HAPSTR1: variants seen among roughly 807,000 people sequenced by gnomAD.
HAPSTR1 encodes HUWE1 associated protein modifying stress responses, also known as HUWE1-associated protein modifying stress responses 1.
chr16:9,091,987 G>T, the HAPSTR1 span: 5 of 1,357,866 alleles, frequency 3.7e-6, no homozygotes, highest in East Asian at 6.2e-5. Flanking sequence ...TCCCGCGGGG[G>T]CCCCGCCTGA....
the HAPSTR1 span, among the ~76,000 whole-genome samples, chr16:9,095,791 C>G: frequency 6.6e-6 from 1 of 152,036 alleles, no homozygotes; most frequent in Non-Finnish European, 1.5e-5. Flanking sequence ...GGACAGAATT[C>G]AATAAAATGG....
chr16:9,093,206 C>T, the HAPSTR1 span, among the ~76,000 whole-genome samples: 7 of 152,186 alleles, frequency 4.6e-5, no homozygotes, highest in African/African-American at 1.4e-4. Context: ...CAGATGGCAA[C>T]GCCTGGGGAC....
At chr16:9,099,154 A>G in the HAPSTR1 span, among the ~76,000 whole-genome samples, 4 of 151,424 alleles carry the variant, frequency 2.6e-5, 1 homozygote, top group Admixed American at 2.0e-4. Context: ...AAAAAGGGAA[A>G]TATGGGATAC....
At chr16:9,092,194 G>C in the HAPSTR1 span, 1 of 1,583,998 alleles carries the variant, frequency 6.3e-7, no homozygotes. Flanking sequence ...CGGCCGCCGC[G>C]CAGCCCGAGC....
the HAPSTR1 span, chr16:9,120,572 T>G: frequency 6.6e-6 from 1 of 152,002 alleles, no homozygotes; most frequent in African/African-American, 2.4e-5. Context: ...TTTTTTTTTA[T>G]TTAGTGCTTA....
the HAPSTR1 span, chr16:9,119,955 G>C: frequency 7.9e-5 from 12 of 152,234 alleles, no homozygotes; most frequent in Non-Finnish European, 1.5e-4. Flanking sequence ...TCAGAGGCCA[G>C]TGCAAGACGC....
At chr16:9,104,167 T>G in the HAPSTR1 span, 5 of 148,520 alleles carry the variant, frequency 3.4e-5, no homozygotes, top group South Asian at 1.1e-3. Flanking sequence ...CAGGCTGGAG[T>G]GCATTGGCGC....
chr16:9,106,733 G>T, the HAPSTR1 span: 1 of 151,998 alleles, frequency 6.6e-6, no homozygotes, highest in African/African-American at 2.4e-5. Context: ...GATTCACAGA[G>T]GAATTAAAGA....
At chr16:9,113,925 A>G in the HAPSTR1 span, among the ~76,000 whole-genome samples, 4 of 152,194 alleles carry the variant, frequency 2.6e-5, no homozygotes, top group South Asian at 2.1e-4. Context: ...ATAAACATCA[A>G]CAGTTGAACC....
the HAPSTR1 span, among the ~76,000 whole-genome samples, chr16:9,115,969 C>A: frequency 1.3e-5 from 2 of 152,158 alleles, no homozygotes; most frequent in East Asian, 3.9e-4. Context: ...CAACCCTCTC[C>A]CCTCCCCACT....
chr16:9,095,205 G>A, the HAPSTR1 span, among the ~76,000 whole-genome samples: 3 of 152,128 alleles, frequency 2.0e-5, no homozygotes, highest in Non-Finnish European at 4.4e-5. Context: ...GAATTTGATA[G>A]TGCAACGTTT....
chr16:9,095,245 A>C, the HAPSTR1 span, among the ~76,000 whole-genome samples: 21 of 152,170 alleles, frequency 1.4e-4, no homozygotes, highest in Non-Finnish European at 2.8e-4. Flanking sequence ...TGTGTGGATA[A>C]TACTCTGGAT....
the HAPSTR1 span, among the ~76,000 whole-genome samples, chr16:9,102,107 C>T: frequency 2.0e-5 from 3 of 152,050 alleles, no homozygotes; most frequent in African/African-American, 7.3e-5. Flanking sequence ...GAGACTCCGT[C>T]TCAAAAAATA....
chr16:9,105,088 CTG>C, the HAPSTR1 span: 2 of 152,162 alleles, frequency 1.3e-5, no homozygotes, highest in Non-Finnish European at 2.9e-5. Flanking sequence ...CCTCGAAAAA[CTG>C]TATTCTCCAA....
At chr16:9,097,475 G>C in the HAPSTR1 span, among the ~76,000 whole-genome samples, 6 of 152,120 alleles carry the variant, frequency 3.9e-5, no homozygotes, top group Non-Finnish European at 8.8e-5. Flanking sequence ...GAGCTCAGGC[G>C]ATCCACCTGC....
the HAPSTR1 span, among the ~76,000 whole-genome samples, chr16:9,096,225 G>A: frequency 6.6e-6 from 1 of 152,218 alleles, no homozygotes; most frequent in Non-Finnish European, 1.5e-5. Flanking sequence ...GCCTGGCATA[G>A]TGAGTGCTCT....
At chr16:9,097,468 C>A in the HAPSTR1 span, among the ~76,000 whole-genome samples, 43 of 152,126 alleles carry the variant, frequency 2.8e-4, 1 homozygote, top group South Asian at 2.5e-3. Context: ...GTCTCCTGAG[C>A]TCAGGCGATC....
chr16:9,098,460 C>T, the HAPSTR1 span, among the ~76,000 whole-genome samples: 1 of 152,278 alleles, frequency 6.6e-6, no homozygotes, highest in East Asian at 1.9e-4. Flanking sequence ...TTAGGGAATA[C>T]GATTGGGAAC....
chr16:9,097,234 C>T, the HAPSTR1 span, among the ~76,000 whole-genome samples: 1 of 133,532 alleles, frequency 7.5e-6, no homozygotes, highest in Non-Finnish European at 1.5e-5. Context: ...GCCACCGCGC[C>T]TGGCTCTTTT....
Sources: allele counts gnomAD v4.1 joint callset (sites outside exome capture counted in the v4.1 genomes callset), GRCh38; gene constraint gnomAD v4.1.1; transcripts MANE v1.5; gene names NCBI Gene and HGNC (gene_info 2026-07-23, HGNC 2026-07-21).